Variants in CDC14B observed in about 807,000 individuals in gnomAD.
CDC14B encodes the protein dual specificity protein phosphatase CDC14B.
In CDC14B, 22 loss-of-function variants were observed where a neutral mutation model predicts 64.2. The ratio of observed to expected loss-of-function variants is 0.34; its 90% CI spans 0.24 to 0.49. The LOEUF is 0.49. Ranked by LOEUF, CDC14B falls within the 20% of genes least tolerant of loss-of-function variation. CDC14B has a pLI of 0.99. For missense variants in CDC14B, 498 were observed against 629.9 expected, an observed-to-expected ratio of 0.79 and a Z score of 2.24; for synonymous variants, 191 against 215.8, an observed-to-expected ratio of 0.89 and a Z score of 1.01.
chr9:96,496,905 C>T (rs781193637), downstream of CDC14B, among the ~76,000 whole-genome samples: 3 of 152,254 alleles, frequency 2.0e-5, no homozygotes, highest in Admixed American at 6.5e-5. Flanking sequence ...AGCAACAGCC[C>T]GGGGCCAGGG....
intron 4 of CDC14B, among the ~76,000 whole-genome samples, chr9:96,558,895 A>G (rs1842813353): frequency 6.6e-6 from 1 of 152,222 alleles, no homozygotes; most frequent in Non-Finnish European, 1.5e-5. Flanking sequence ...CAGTGGTGCA[A>G]AAGATTTTTA....
chr9:96,533,324 T>C (rs1838782494), intron 9 of CDC14B, among the ~76,000 whole-genome samples: 1 of 152,246 alleles, frequency 6.6e-6, no homozygotes, highest in East Asian at 1.9e-4. Flanking sequence ...TTGTATGCCA[T>C]GTAATTTTTC....
At chr9:96,591,752 C>CTT (rs879516095) in intron 1 of CDC14B, among the ~76,000 whole-genome samples, 2 of 146,868 alleles carry the variant, frequency 1.4e-5, no homozygotes, top group Admixed American at 6.8e-5. Flanking sequence ...TCTTTAATTT[C>CTT]TTTTTTTTTT....
At chr9:96,578,805 C>G (rs1055091746) in intron 1 of CDC14B, among the ~76,000 whole-genome samples, 1 of 152,106 alleles carries the variant, frequency 6.6e-6, no homozygotes, top group Non-Finnish European at 1.5e-5. Context: ...TTAATAATAA[C>G]ACATCAGTAT....
chr9:96,571,360 C>A (rs1189573532), intron 1 of CDC14B, among the ~76,000 whole-genome samples: 3 of 151,770 alleles, frequency 2.0e-5, no homozygotes, highest in African/African-American at 7.3e-5. Context: ...ATTTTTAGTA[C>A]AGATGGGGTT....
chr9:96,573,778 A>G (rs1411060207), intron 1 of CDC14B, among the ~76,000 whole-genome samples: 2 of 152,242 alleles, frequency 1.3e-5, no homozygotes, highest in Admixed American at 1.3e-4. Flanking sequence ...AATAAATTAC[A>G]TGGAATATGA....
At chr9:96,504,191 G>T (rs1432854017) in intron 13 of CDC14B, among the ~76,000 whole-genome samples, 1 of 152,052 alleles carries the variant, frequency 6.6e-6, no homozygotes, top group Non-Finnish European at 1.5e-5. Context: ...AGAATGAAAA[G>T]ATAGAGAACT....
In CDC14B at chr9:96,515,796, G is replaced by C. The variant is rs1433368115; in HGVS notation, c.1344-6007C>G. The C allele has an allele frequency of 3.8e-6, 6 of 1,587,582 alleles. No homozygotes were observed. The highest frequency in any genetic ancestry group is 5.1e-6 in the Non-Finnish European group (6 of 1,167,804). ...GGTCAGCACAGCTAGGGGACATCTG[G>C]AAAGGGGTGAAGGGGAAAGAACAGA... On this transcript the variant is annotated intron_variant, in intron 12 of 13. Transcript: ENST00000375241. This position sits in a 1 kb window ranked among gnomAD's most constrained non-coding sequence, Gnocchi z 4.3.
chr9:96,619,341 G>A lies in CDC14B; in HGVS notation c.38C>T (p.Ala13Val). ...RKSERRSSWA[A>V]APPCSRRCSS... is the part of the protein sequence containing the mutation. ...GCAGCGCCGCGAGCAGGGGGGCGCGGCGGCCCAGCTCGACCGCCGCTCGCT... is the reference window on the plus strand; with the variant it reads ...GCAGCGCCGCGAGCAGGGGGGCGCGACGGCCCAGCTCGACCGCCGCTCGCT... Residue 13 changes from alanine (A) to valine (V), a missense_variant, in exon 1 of 14, where the codon GCC becomes GTC. Ala to Val is a moderately conservative substitution (Grantham distance 64, BLOSUM62 0). Coordinates refer to ENST00000375241, the MANE Select transcript of CDC14B (RefSeq NM_033331.4). The A allele has an allele frequency of 1.5e-5, 19 of 1,266,452 alleles. No individual in the cohort carries two copies. The highest frequency in any genetic ancestry group is 1.7e-5 in the Non-Finnish European group (17 of 1,002,476). The allele number at this position is 1,266,452 out of a possible 1,614,324, so 78.5% of individuals were successfully genotyped here.
chr9:96,572,346 T>C (rs1422448468), intron 1 of CDC14B, among the ~76,000 whole-genome samples: 1 of 152,166 alleles, frequency 6.6e-6, no homozygotes, highest in Non-Finnish European at 1.5e-5. Flanking sequence ...GACTTGTGAC[T>C]TGTGGGAAGG....
Position 96,530,043 on chromosome 9 carries a change from T to C in CDC14B, c.946+3884A>G, listed in dbSNP as rs200471175. 1.9e-4 allele frequency among the ~76,000 whole-genome samples: 29 copies of C among 152,346 alleles called. No homozygotes were observed. The East Asian group carries it at 5.6e-3, about 29-fold the overall frequency. ...TGTCATTACATTTAATTACATCTTC[T>C]TTAATTTTCCTCAAAAATGTTTTAT... On this transcript the variant is annotated intron_variant, in intron 9 of 13. Coordinates refer to ENST00000375241, the MANE Select transcript of CDC14B (RefSeq NM_033331.4).
At chr9:96,557,330 TCA>T (rs1441203303) in intron 4 of CDC14B, among the ~76,000 whole-genome samples, 1 of 152,220 alleles carries the variant, frequency 6.6e-6, no homozygotes, top group Non-Finnish European at 1.5e-5. Flanking sequence ...GCCCTGCCTT[TCA>T]CAGACACCCA....
intron 1 of CDC14B, among the ~76,000 whole-genome samples, chr9:96,599,835 G>A (rs997719791): frequency 3.3e-5 from 5 of 151,912 alleles, no homozygotes; most frequent in African/African-American, 9.7e-5. Context: ...AGGTTCAAGC[G>A]ATTCTCCTGC....
chr9:96,534,700 T>C (rs544357712), intron 7 of CDC14B, among the ~76,000 whole-genome samples, 158 bp from the exon 8 acceptor site: 42 of 152,354 alleles, frequency 2.8e-4, no homozygotes, highest in Non-Finnish European at 5.7e-4. Context: ...TGCCCTGCTA[T>C]AAGTATATCT....
rs769178677 is a variant in CDC14B at position 96,523,238 on chromosome 9, C to T, written c.1245+23G>A. ...ATAGCAGTTAAAGCAGTAACAACAT[C>T]GCAACAGAAACGGCTTGATTACCGG... is the stretch of plus-strand genomic sequence containing the variant. On this transcript the variant is annotated intron_variant, in intron 11 of 13. Transcript: ENST00000375241. The T allele has an allele frequency of 8.7e-6, 14 of 1,612,304 alleles. No individual in the cohort carries two copies. The African/African-American group carries it at 9.4e-5, about 11-fold the overall frequency.
intron 12 of CDC14B, among the ~76,000 whole-genome samples, chr9:96,511,895 C>T (rs1834952769): frequency 6.6e-6 from 1 of 152,096 alleles, no homozygotes; most frequent in South Asian, 2.1e-4. Context: ...AATTTCGAGA[C>T]CAGCCTGGAC....
At chr9:96,516,432 A>G (rs953653042) in intron 12 of CDC14B, among the ~76,000 whole-genome samples, 2 of 152,158 alleles carry the variant, frequency 1.3e-5, no homozygotes, top group Admixed American at 1.3e-4. Context: ...CATTTTCCTC[A>G]TACTAGTTGG....
chr9:96,571,245 A>C (rs1844452797), intron 1 of CDC14B, among the ~76,000 whole-genome samples: 1 of 150,860 alleles, frequency 6.6e-6, no homozygotes, highest in African/African-American at 2.4e-5. Context: ...GCGCAATCTC[A>C]GCTCACTGCA....
At chr9:96,559,659 C>T (rs935962082) in intron 4 of CDC14B, among the ~76,000 whole-genome samples, 2 of 152,160 alleles carry the variant, frequency 1.3e-5, no homozygotes, top group African/African-American at 4.8e-5. Flanking sequence ...ATTACAGCTC[C>T]CAATTCCTAT....
Sources: gnomAD v4.1 joint callset for allele counts (sites outside exome capture counted in the v4.1 genomes callset) on GRCh38, gnomAD v4.1.1 for gene constraint, Gnocchi (gnomAD v3.1) non-coding constraint, MANE v1.5 for transcripts, NCBI Gene and HGNC (gene_info 2026-07-23, HGNC 2026-07-21) for gene names.